NAT1: variants seen among roughly 807,000 people sequenced by gnomAD.
NAT1 encodes N-acetyltransferase 1, also known as arylamine N-acetyltransferase 1.
For synonymous variants in NAT1, 144 were observed against 122.6 expected, an observed-to-expected ratio of 1.17 and a Z score of -1.16; for missense variants, 400 against 339.2, an observed-to-expected ratio of 1.18 and a Z score of -1.41.
chr8:18,209,266 C>T (rs546838636), upstream of NAT1, among the ~76,000 whole-genome samples: 8 of 152,282 alleles, frequency 5.3e-5, no homozygotes, highest in South Asian at 6.2e-4. Flanking sequence ...CGTGGCAGGA[C>T]GCCAGAGGCA....
chr8:18,192,206 AGAC>A (rs1803019480), intron 2 of NAT1, among the ~76,000 whole-genome samples: 3 of 152,322 alleles, frequency 2.0e-5, no homozygotes, highest in Admixed American at 2.0e-4. Flanking sequence ...TCTCAAAAGA[AGAC>A]ATTTATGCAG....
intron 2 of NAT1, among the ~76,000 whole-genome samples, chr8:18,193,324 T>C (rs1803092761): frequency 6.7e-6 from 1 of 149,786 alleles, no homozygotes. Flanking sequence ...CAAGTGATGC[T>C]CACACCTCGA....
At chr8:18,172,135 C>A (rs1802119313) in intron 2 of NAT1, among the ~76,000 whole-genome samples, 1 of 152,174 alleles carries the variant, frequency 6.6e-6, no homozygotes, top group Non-Finnish European at 1.5e-5. Context: ...CAAGTAACAA[C>A]CACTTGTGTT....
In NAT1 at chr8:18,213,548, C is replaced by CT. The variant is rs1804320120; in HGVS notation, c.-86+3369dup. Among the ~76,000 whole-genome samples the CT allele has an allele frequency of 3.9e-5, 6 of 152,240 alleles. No individual in the cohort carries two copies. In the South Asian group the frequency reaches 1.2e-3, roughly 32 times the overall value. On this transcript the variant is annotated intron_variant, in intron 1 of 2. Transcript: ENST00000307719. ...AACCTCTAACTAGGGACTTTTCACTCTAACCAACCAAATAGCTTTTCTTTG... is the reference window on the plus strand; with the variant it reads ...AACCTCTAACTAGGGACTTTTCACTCTTAACCAACCAAATAGCTTTTCTTTG...
intron 2 of NAT1, among the ~76,000 whole-genome samples, chr8:18,189,822 C>A (rs1165152878): frequency 6.6e-6 from 1 of 152,156 alleles, no homozygotes; most frequent in South Asian, 2.1e-4. Context: ...AAGAGTCTCA[C>A]TCTGTTACCC....
At chr8:18,208,160 T>C (rs1022304828), upstream of NAT1, among the ~76,000 whole-genome samples, 11 of 151,714 alleles carry the variant, frequency 7.3e-5, no homozygotes, top group African/African-American at 2.4e-4. Flanking sequence ...TCAGGAAAAA[T>C]AGCTAATGCA....
chr8:18,212,997 C>T (rs929211505), intron 1 of NAT1, among the ~76,000 whole-genome samples: 4 of 151,554 alleles, frequency 2.6e-5, no homozygotes, highest in East Asian at 3.9e-4. Flanking sequence ...CTCCACCTCC[C>T]GGGTTCAAGT....
At chr8:18,206,245 T>C (rs1803714897), upstream of NAT1, among the ~76,000 whole-genome samples, 1 of 152,208 alleles carries the variant, frequency 6.6e-6, no homozygotes, top group Non-Finnish European at 1.5e-5. Context: ...ACACCAGGTA[T>C]GCAGCAGACC....
chr8:18,222,814 A>G lies in NAT1; in HGVS notation c.767A>G (p.Lys256Arg). The change falls in exon 3 of 3, where the codon AAG becomes AGG. Residue 256 changes from lysine to arginine, a missense_variant. Lys to Arg is a conservative substitution (Grantham distance 26). Coordinates refer to ENST00000307719, the MANE Select transcript of NAT1 (RefSeq NM_000662.8). ...YKDNTDLIEFKTLSEEEIEKV... is the reference protein window; with the variant it reads ...YKDNTDLIEFRTLSEEEIEKV... ...GACAATACAGATCTAATAGAGTTCA[A>G]GACTCTGAGTGAGGAAGAAATAGAA... is the stretch of plus-strand genomic sequence containing the variant. 1 of 1,610,286 alleles carries G rather than the reference A, an allele frequency of 6.2e-7. No individual in the cohort carries two copies. The highest frequency in any genetic ancestry group is 1.1e-5 in the South Asian group (1 of 89,628).
intron 2 of NAT1, among the ~76,000 whole-genome samples, chr8:18,193,651 T>C (rs1431203597): frequency 1.4e-5 from 2 of 140,430 alleles, no homozygotes; most frequent in Non-Finnish European, 3.1e-5. Context: ...TTTTTTTTTT[T>C]TTTCGAGATG....
intron 2 of NAT1, among the ~76,000 whole-genome samples, chr8:18,202,862 T>G (rs560973750): frequency 1.3e-5 from 2 of 152,270 alleles, no homozygotes; most frequent in East Asian, 3.9e-4. Context: ...CTGGCTTGGG[T>G]GACCGGCTGT....
chr8:18,190,714 C>T (rs1802946545), intron 2 of NAT1, among the ~76,000 whole-genome samples: 6 of 152,018 alleles, frequency 3.9e-5, no homozygotes, highest in Admixed American at 3.9e-4. Flanking sequence ...AGCAAGCTGG[C>T]CCTGACATCC....
At chr8:18,182,400 T>C (rs1357677264) in intron 2 of NAT1, among the ~76,000 whole-genome samples, 1 of 152,232 alleles carries the variant, frequency 6.6e-6, no homozygotes, top group Non-Finnish European at 1.5e-5. Context: ...TAGCCCAAGG[T>C]CATGAAGATT....
chr8:18,177,064 A>G (rs758495733), intron 2 of NAT1, among the ~76,000 whole-genome samples: 1 of 152,042 alleles, frequency 6.6e-6, no homozygotes, highest in Non-Finnish European at 1.5e-5. Flanking sequence ...TGTTGATTTT[A>G]TAACTTGCAT....
intron 1 of NAT1, among the ~76,000 whole-genome samples, chr8:18,214,641 T>A (rs961086409): frequency 6.6e-6 from 1 of 152,244 alleles, no homozygotes; most frequent in African/African-American, 2.4e-5. Flanking sequence ...CTTTTGTTTT[T>A]TAGCTTCAAT....
At chr8:18,170,666 T>G (rs913768881) in intron 1 of NAT1, 3 of 152,198 alleles carry the variant, frequency 2.0e-5, no homozygotes, top group African/African-American at 7.2e-5. Context: ...TAACTTGGAC[T>G]TTTCTTTAAC....
In NAT1 at chr8:18,222,749, G is replaced by C; in HGVS notation, c.702G>C (p.Leu234Phe). 6.2e-7 allele frequency: 1 copy of C among 1,613,782 alleles called. No individual in the cohort carries two copies. The highest frequency in any genetic ancestry group is 1.3e-5 in the African/African-American group (1 of 74,992). Residue 234 changes from leucine (L) to phenylalanine (F), a missense_variant, in exon 3 of 3, where the codon TTG becomes TTC. Physicochemically the swap from Leu to Phe is conservative, Grantham distance 22. Coordinates refer to ENST00000307719, the MANE Select transcript of NAT1 (RefSeq NM_000662.8). ...AGACCCCAGATGGGGTTCACTGTTT[G>C]GTGGGCTTCACCCTCACCCATAGGA... ...SLQTPDGVHC[L>F]VGFTLTHRRF...
At chr8:18,194,750 G>A (rs1309474191) in intron 2 of NAT1, among the ~76,000 whole-genome samples, 2 of 152,004 alleles carry the variant, frequency 1.3e-5, no homozygotes, top group African/African-American at 2.4e-5. Flanking sequence ...AACCCTGGGG[G>A]TGGAGGTTGA....
chr8:18,186,639 G>A (rs966390658), intron 2 of NAT1, among the ~76,000 whole-genome samples: 41 of 151,912 alleles, frequency 2.7e-4, no homozygotes, highest in Non-Finnish European at 5.7e-4. Context: ...ATTCATTTTT[G>A]CTTTTAGAAC....
Sources: allele counts gnomAD v4.1 joint callset (sites outside exome capture counted in the v4.1 genomes callset), GRCh38; gene constraint gnomAD v4.1.1; transcripts MANE v1.5; gene names NCBI Gene and HGNC (gene_info 2026-07-23, HGNC 2026-07-21).